SNTB1: variants seen among roughly 807,000 people sequenced by gnomAD.
SNTB1 encodes syntrophin beta 1.
SNTB1 carries 36 observed loss-of-function variants against 48.9 expected under a neutral mutation model. The observed-to-expected ratio is 0.74, with a 90% CI of 0.56 to 0.97. The LOEUF (loss-of-function observed/expected upper bound fraction) is 0.97, where lower values mean the gene tolerates loss of function less well. Among genes scored for constraint, SNTB1 ranks in the 50% least tolerant of loss-of-function variants. The pLI, the probability that SNTB1 is intolerant of heterozygous loss-of-function variation, is 0.00. For synonymous variants in SNTB1, 299 were observed against 294.6 expected (o/e 1.01, Z -0.15); for missense variants, 786 against 703.4 (o/e 1.12, Z -1.33).
chr8:120,792,758 C>T (rs796865102), intron 1 of SNTB1, among the ~76,000 whole-genome samples: 27 of 152,086 alleles, frequency 1.8e-4, no homozygotes, highest in African/African-American at 6.3e-4. Flanking sequence ...GAAAAGGTAG[C>T]TGGTTGTACA....
intron 2 of SNTB1, among the ~76,000 whole-genome samples, chr8:120,656,877 G>T (rs1817510979): frequency 1.3e-5 from 2 of 152,102 alleles, no homozygotes; most frequent in South Asian, 4.2e-4. Context: ...GTTAGAAAAA[G>T]GTATAGAAAA....
At chr8:120,750,893 C>T (rs1292801143) in intron 1 of SNTB1, among the ~76,000 whole-genome samples, 1 of 151,340 alleles carries the variant, frequency 6.6e-6, no homozygotes. Flanking sequence ...CTAAAAGAAT[C>T]CCCCTTCCCC....
chr8:120,679,314 A>T (rs1241792065), intron 2 of SNTB1, among the ~76,000 whole-genome samples: 3 of 152,200 alleles, frequency 2.0e-5, no homozygotes, highest in Non-Finnish European at 4.4e-5. Flanking sequence ...CAAGCTTGGA[A>T]ATCCAGTAAG....
At chr8:120,749,472 A>G (rs998125975) in intron 1 of SNTB1, among the ~76,000 whole-genome samples, 1 of 152,110 alleles carries the variant, frequency 6.6e-6, no homozygotes, top group Admixed American at 6.6e-5. Context: ...TAGAAGTTGG[A>G]TCAATATACT....
intron 1 of SNTB1, among the ~76,000 whole-genome samples, chr8:120,704,919 T>C (rs765764086): frequency 1.8e-4 from 28 of 152,180 alleles, no homozygotes; most frequent in Admixed American, 2.6e-4. Context: ...TTGATAAGAA[T>C]ACAGATTCTA....
rs947230267 is a variant in SNTB1, at chr8:120,643,591, A to G, written c.789-10940T>C. On this transcript the variant is annotated intron_variant, in intron 2 of 6. Transcript: ENST00000517992. ...CTTCATCCAGGTTGCTGCAAATGCC[A>G]TTATTTTTTCTTTTATATGACTGAG... Among the ~76,000 whole-genome samples, 8 of 152,208 alleles carry G rather than the reference A, an allele frequency of 5.3e-5. No homozygotes were observed. In the South Asian group the frequency reaches 6.2e-4, roughly 12 times the overall value.
chr8:120,721,801 A>C (rs1023073462), intron 1 of SNTB1, among the ~76,000 whole-genome samples: 4 of 152,124 alleles, frequency 2.6e-5, no homozygotes, highest in Admixed American at 2.6e-4. Flanking sequence ...GGCTCGTTAC[A>C]TAGGTATACA....
At chr8:120,622,244 T>A (rs1339886760) in intron 3 of SNTB1, among the ~76,000 whole-genome samples, 1 of 152,204 alleles carries the variant, frequency 6.6e-6, no homozygotes, top group Admixed American at 6.5e-5. Context: ...GTTTTCACCT[T>A]GATGCAGCCC....
At chr8:120,727,105 C>A (rs1037717844) in intron 1 of SNTB1, among the ~76,000 whole-genome samples, 1 of 152,126 alleles carries the variant, frequency 6.6e-6, no homozygotes, top group Non-Finnish European at 1.5e-5. Context: ...AGAAAATGCA[C>A]CTCAGTAAAA....
chr8:120,571,143 CTG>C (rs1382848913), intron 4 of SNTB1: 1 of 1,131,986 alleles, frequency 8.8e-7, no homozygotes. Flanking sequence ...TGCCCAGAAA[CTG>C]TGAGAACAAG....
chr8:120,707,036 C>CA (rs1326633345), intron 1 of SNTB1, among the ~76,000 whole-genome samples: 2 of 152,170 alleles, frequency 1.3e-5, no homozygotes, highest in Non-Finnish European at 1.5e-5. Flanking sequence ...TTTGAAACAT[C>CA]AGAGTCTGGC....
intron 2 of SNTB1, among the ~76,000 whole-genome samples, chr8:120,654,071 A>AAAAAAAAAAAAAAAAAAAT (rs1817457552): frequency 6.9e-6 from 1 of 144,014 alleles, no homozygotes; most frequent in African/African-American, 2.6e-5. Context: ...AAAAAAAAAA[A>AAAAAAAAAAAAAAAAAAAT]GTTGTCTTCT....
At chr8:120,794,320 T>G (rs1820086424) in intron 1 of SNTB1, among the ~76,000 whole-genome samples, 1 of 152,048 alleles carries the variant, frequency 6.6e-6, no homozygotes, top group Non-Finnish European at 1.5e-5. Context: ...CAGCTCAAGT[T>G]AATTTATGAC....
intron 1 of SNTB1, among the ~76,000 whole-genome samples, chr8:120,705,767 C>T (rs150368290): frequency 1.3e-4 from 20 of 152,300 alleles, no homozygotes; most frequent in African/African-American, 4.6e-4. Flanking sequence ...TTGTGCTGTA[C>T]ATTTCTTCAT....
chr8:120,748,281 GT>G (rs1165284645), intron 1 of SNTB1, among the ~76,000 whole-genome samples: 3 of 151,836 alleles, frequency 2.0e-5, no homozygotes, highest in South Asian at 2.1e-4. Context: ...TTTGGAGTGG[GT>G]TTTTTTTCCT....
intron 1 of SNTB1, among the ~76,000 whole-genome samples, chr8:120,768,163 G>A (rs1819559071): frequency 6.6e-6 from 1 of 152,176 alleles, no homozygotes; most frequent in South Asian, 2.1e-4. Context: ...AGCTAAGCCA[G>A]GAACATCTTA....
At position 120,740,921 on chromosome 8, in the gene SNTB1, A is replaced by G. The variant is rs1477070084; in HGVS notation, c.572-47013T>C. ...GGAAGTGGTTACAATGATGACAGCC[A>G]TTTCACAGATGTGGAAACTGAAGCC... is the stretch of plus-strand genomic sequence containing the variant. On this transcript the variant is annotated intron_variant, in intron 1 of 6. Transcript: ENST00000517992. 2.6e-5 allele frequency among the ~76,000 whole-genome samples: 4 copies of G among 152,204 alleles called. No individual in the cohort carries two copies. In the East Asian group the frequency reaches 7.7e-4, roughly 29 times the overall value.
At chr8:120,585,021 TA>T (rs1816116386) in intron 3 of SNTB1, among the ~76,000 whole-genome samples, 1 of 152,146 alleles carries the variant, frequency 6.6e-6, no homozygotes, top group East Asian at 1.9e-4. Flanking sequence ...CTTAATCTCC[TA>T]ATTCTAGCCT....
intron 1 of SNTB1, among the ~76,000 whole-genome samples, chr8:120,754,350 T>C (rs1325246286): frequency 6.6e-6 from 1 of 151,878 alleles, no homozygotes; most frequent in Non-Finnish European, 1.5e-5. Flanking sequence ...AAGAAAAACA[T>C]TAGCTGGGTG....
Sources: allele counts gnomAD v4.1 joint callset (sites outside exome capture counted in the v4.1 genomes callset), GRCh38; gene constraint gnomAD v4.1.1; transcripts MANE v1.5; gene names NCBI Gene and HGNC (gene_info 2026-07-23, HGNC 2026-07-21).